SYT6: variants seen among roughly 807,000 people sequenced by gnomAD.
SYT6 encodes synaptotagmin 6, also known as synaptotagmin-6.
Under a neutral mutation model 38.4 loss-of-function variants are expected in SYT6, and 24 were observed. That is an observed-to-expected ratio of 0.62 (90% CI 0.45 to 0.88). The LOEUF is 0.88. Ranked by LOEUF, SYT6 falls within the 40% of genes least tolerant of loss-of-function variation. The probability of loss-of-function intolerance (pLI) is 0.00; values close to 1 mark genes in which losing one functional copy is unlikely to be tolerated. For synonymous variants in SYT6, 265 were observed against 241.9 expected (o/e 1.10, Z -0.89); for missense variants, 611 against 621.0 (o/e 0.98, Z 0.17).
At chr1:114,123,002 C>T (rs893274009) in intron 3 of SYT6, among the ~76,000 whole-genome samples, 6 of 152,194 alleles carry the variant, frequency 3.9e-5, no homozygotes, top group East Asian at 1.9e-4. Context: ...CTCCGGGGCC[C>T]GCGAGGCACT....
intron 3 of SYT6, among the ~76,000 whole-genome samples, chr1:114,114,396 A>C (rs1250087115): frequency 6.6e-6 from 1 of 152,206 alleles, no homozygotes; most frequent in African/African-American, 2.4e-5. Flanking sequence ...ATTAATGAGC[A>C]ACTCAGCTTT....
At chr1:114,117,765 G>A (rs1277929492) in intron 3 of SYT6, among the ~76,000 whole-genome samples, 2 of 152,208 alleles carry the variant, frequency 1.3e-5, no homozygotes, top group Non-Finnish European at 2.9e-5. Flanking sequence ...TTCAAATCCC[G>A]GTTCTGCTGC....
intron 3 of SYT6, among the ~76,000 whole-genome samples, chr1:114,128,951 T>C (rs756076696): frequency 1.3e-5 from 2 of 152,214 alleles, no homozygotes; most frequent in Non-Finnish European, 2.9e-5. Context: ...TCTGTTTCTT[T>C]AGCCAAGACC....
chr1:114,092,676 T>A (rs115137810), intron 7 of SYT6, among the ~76,000 whole-genome samples: 1 of 152,220 alleles, frequency 6.6e-6, no homozygotes, highest in African/African-American at 2.4e-5. Flanking sequence ...CCTCCCCAGT[T>A]CTCCTAGGTC....
chr1:114,122,256 A>G (rs971974884), intron 3 of SYT6, among the ~76,000 whole-genome samples: 12 of 152,224 alleles, frequency 7.9e-5, no homozygotes, highest in Non-Finnish European at 1.3e-4. Context: ...GGGTTTTATT[A>G]TAATCACACT....
intron 7 of SYT6, among the ~76,000 whole-genome samples, chr1:114,092,327 TC>T (rs1273720540): frequency 2.1e-4 from 31 of 147,302 alleles, no homozygotes; most frequent in South Asian, 4.6e-4. Context: ...TCTCTCTCTC[TC>T]TCTCTCTCTC....
chr1:114,127,744 C>T (rs1482026188), intron 3 of SYT6, among the ~76,000 whole-genome samples: 2 of 152,232 alleles, frequency 1.3e-5, no homozygotes, highest in Non-Finnish European at 2.9e-5. Context: ...GAGGTCCCAC[C>T]CATCTCTGCA....
At chr1:114,132,838 A>G (rs1407048142) in intron 3 of SYT6, among the ~76,000 whole-genome samples, 3 of 152,162 alleles carry the variant, frequency 2.0e-5, no homozygotes, top group Non-Finnish European at 4.4e-5. Context: ...TATAATAACA[A>G]TAGGACTAGA....
intron 3 of SYT6, among the ~76,000 whole-genome samples, chr1:114,117,174 C>G (rs1677045552): frequency 6.6e-6 from 1 of 152,254 alleles, no homozygotes; most frequent in Admixed American, 6.5e-5. Context: ...CTGAAGGTCT[C>G]TGACCCTTTC....
intron 1 of SYT6, among the ~76,000 whole-genome samples, chr1:114,150,431 G>A (rs1215575160): frequency 6.6e-6 from 1 of 152,098 alleles, no homozygotes; most frequent in Non-Finnish European, 1.5e-5. Flanking sequence ...CCTCAAAAAG[G>A]GCAAAATCTG....
intron 3 of SYT6, among the ~76,000 whole-genome samples, chr1:114,113,927 G>C (rs191468324): frequency 2.0e-5 from 3 of 152,104 alleles, no homozygotes; most frequent in Non-Finnish European, 4.4e-5. Context: ...GGCCCTCCAC[G>C]AACGGGGCTG....
rs987565887 is a variant in SYT6, at chr1:114,091,645, C to T, written c.*489G>A. 27 of 171,644 alleles carry T rather than the reference C, an allele frequency of 1.6e-4. No homozygotes were observed. The highest frequency in any genetic ancestry group is 1.9e-4 in the Admixed American group (3 of 15,902). 10.6% of individuals were successfully genotyped at this position (171,644 alleles called of 1,614,324 possible). A position where few individuals can be genotyped will look rare whatever the true frequency, so the allele number is the denominator to read the frequency against. ...CCAGGGTTGTGGAGCTTGCTGGAGA[C>T]GCAGCATTTCAGAAACTCAATCCAC... On this transcript the variant is annotated 3_prime_UTR_variant, in exon 8 of 8. Transcript: ENST00000610222.
intron 3 of SYT6, among the ~76,000 whole-genome samples, chr1:114,125,191 T>A (rs777516652): frequency 6.6e-6 from 1 of 152,198 alleles, no homozygotes; most frequent in Non-Finnish European, 1.5e-5. Context: ...GAACTCCAAG[T>A]TGTGTCAAAT....
intron 3 of SYT6, among the ~76,000 whole-genome samples, chr1:114,132,128 T>C (rs1039609112): frequency 6.6e-6 from 1 of 152,216 alleles, no homozygotes; most frequent in Non-Finnish European, 1.5e-5. Context: ...GTGGTGAGGA[T>C]GAAACATGGC....
chr1:114,135,840 G>A (rs2101082019), intron 3 of SYT6, among the ~76,000 whole-genome samples: 1 of 152,330 alleles, frequency 6.6e-6, no homozygotes, highest in East Asian at 1.9e-4. Flanking sequence ...ACTGTGAGGA[G>A]GACTGAGCTG....
chr1:114,123,118 C>G (rs1343192906), intron 3 of SYT6, among the ~76,000 whole-genome samples: 1 of 152,166 alleles, frequency 6.6e-6, no homozygotes, highest in Non-Finnish European at 1.5e-5. Context: ...GGGCAGGGCT[C>G]CCGGCAGTGT....
chr1:114,124,912 A>C (rs1298996573), intron 3 of SYT6, among the ~76,000 whole-genome samples: 1 of 152,194 alleles, frequency 6.6e-6, no homozygotes, highest in East Asian at 1.9e-4. Flanking sequence ...TGGGGATAAC[A>C]CCAGTACCTA....
chr1:114,106,724 A>G (rs1215616294), intron 3 of SYT6, among the ~76,000 whole-genome samples: 1 of 151,308 alleles, frequency 6.6e-6, no homozygotes. Context: ...CCACACCCCC[A>G]TGGACCCTTG....
intron 3 of SYT6, among the ~76,000 whole-genome samples, chr1:114,125,801 C>T (rs1219841699): frequency 1.3e-5 from 2 of 152,156 alleles, no homozygotes; most frequent in African/African-American, 4.8e-5. Context: ...AGGATCAAAA[C>T]ACTTTGATAA....
Sources: gnomAD v4.1 joint callset for allele counts (sites outside exome capture counted in the v4.1 genomes callset) on GRCh38, gnomAD v4.1.1 for gene constraint, MANE v1.5 for transcripts, NCBI Gene and HGNC (gene_info 2026-07-23, HGNC 2026-07-21) for gene names.